Variants in EYS observed in about 807,000 individuals in gnomAD.
The protein encoded by EYS is EGF-like photoreceptor maintenance factor.
Under a neutral mutation model 282.1 loss-of-function variants are expected in EYS, and 250 were observed. That is an observed-to-expected ratio of 0.89 (90% confidence interval 0.80 to 0.98). The LOEUF is 0.98. EYS is among the 50% of genes least tolerant of loss of function. The pLI, the probability that EYS is intolerant of heterozygous loss-of-function variation, is 0.00. For missense variants in EYS, 4,016 were observed against 3,709.0 expected, an observed-to-expected ratio of 1.08 and a Z score of -2.15; for synonymous variants, 1,355 against 1,282.9, an observed-to-expected ratio of 1.06 and a Z score of -1.20.
intron 41 of EYS, among the ~76,000 whole-genome samples, chr6:63,739,362 C>A (rs1769015260): frequency 2.6e-5 from 4 of 151,978 alleles, no homozygotes; most frequent in Non-Finnish European, 5.9e-5. Flanking sequence ...CTCTGGAGCT[C>A]CCTGGAGCTC....
intron 11 of EYS, chr6:65,331,701 A>G: frequency 1.0e-6 from 1 of 981,150 alleles, no homozygotes; most frequent in Non-Finnish European, 1.2e-6. Flanking sequence ...AGTAAATAAA[A>G]AAGCTTCTGA....
chr6:64,714,361 T>G (rs1771304663), intron 22 of EYS, among the ~76,000 whole-genome samples: 6 of 152,132 alleles, frequency 3.9e-5, no homozygotes, highest in Admixed American at 2.0e-4. Flanking sequence ...AGGAAAACTT[T>G]CCTTTTTGAC....
At chr6:65,554,016 G>C (rs1768696353) in intron 2 of EYS, among the ~76,000 whole-genome samples, 1 of 152,138 alleles carries the variant, frequency 6.6e-6, no homozygotes, top group Admixed American at 6.5e-5. Context: ...ATTGGGTCAT[G>C]AGGGCTCTGC....
At chr6:65,271,128 T>TTTTATATATATATATATA (rs1189830101) in intron 12 of EYS, among the ~76,000 whole-genome samples, 3 of 55,790 alleles carry the variant, frequency 5.4e-5, no homozygotes, top group African/African-American at 1.6e-4. Context: ...AATCAATAGA[T>TTTTATATATATATATATA]TATATATATA....
At chr6:63,935,320 T>A (rs970338895) in intron 35 of EYS, among the ~76,000 whole-genome samples, 1 of 152,240 alleles carries the variant, frequency 6.6e-6, no homozygotes, top group Non-Finnish European at 1.5e-5. Flanking sequence ...TGTCCTTACT[T>A]TCTGCTTTCT....
At chr6:64,541,816 A>C (rs1019743706) in intron 26 of EYS, among the ~76,000 whole-genome samples, 10 of 152,202 alleles carry the variant, frequency 6.6e-5, no homozygotes, top group Non-Finnish European at 1.3e-4. Flanking sequence ...GTGAGAATGA[A>C]AGATGGTAAT....
At chr6:63,753,048 C>T (rs563127577) in intron 41 of EYS, among the ~76,000 whole-genome samples, 2 of 148,252 alleles carry the variant, frequency 1.3e-5, no homozygotes, top group South Asian at 4.3e-4. Flanking sequence ...TTAATTTTTC[C>T]ATTTTCTTTT....
At chr6:64,942,650 C>T (rs1266432606) in intron 15 of EYS, among the ~76,000 whole-genome samples, 1 of 151,694 alleles carries the variant, frequency 6.6e-6, no homozygotes, top group Admixed American at 6.6e-5. Context: ...AACACACCAC[C>T]TCTCAAGATT....
intron 31 of EYS, among the ~76,000 whole-genome samples, chr6:64,161,905 A>T (rs1187927819): frequency 6.6e-6 from 1 of 152,140 alleles, no homozygotes; most frequent in Non-Finnish European, 1.5e-5. Flanking sequence ...GTTTATGTGA[A>T]TATTATATTT....
At chr6:65,506,022 T>A (rs1243346000) in intron 2 of EYS, among the ~76,000 whole-genome samples, 1 of 152,168 alleles carries the variant, frequency 6.6e-6, no homozygotes, top group African/African-American at 2.4e-5. Flanking sequence ...TATTCCTGTC[T>A]GTTTTATCAC....
At chr6:65,417,355 G>GGA (rs1402292323) in intron 5 of EYS, among the ~76,000 whole-genome samples, 1 of 152,002 alleles carries the variant, frequency 6.6e-6, no homozygotes, top group Non-Finnish European at 1.5e-5. Flanking sequence ...TATTAATTCA[G>GGA]TTTTGGCCAT....
intron 30 of EYS, among the ~76,000 whole-genome samples, chr6:64,276,042 A>G (rs1353196415): frequency 1.3e-5 from 2 of 151,868 alleles, no homozygotes; most frequent in African/African-American, 4.8e-5. Context: ...TCTCTAATAC[A>G]GCATTGCCCT....
At chr6:64,246,110 A>T (rs1330174056) in intron 30 of EYS, among the ~76,000 whole-genome samples, 1 of 145,160 alleles carries the variant, frequency 6.9e-6, no homozygotes, top group Non-Finnish European at 1.5e-5. Flanking sequence ...GTTTATTGTT[A>T]TAAATAATTG....
chr6:64,341,826 T>A (rs73451158), intron 29 of EYS, among the ~76,000 whole-genome samples: 14 of 151,710 alleles, frequency 9.2e-5, no homozygotes, highest in African/African-American at 3.4e-4. Context: ...CTCCTTTCCA[T>A]AGAACTCAAT....
chr6:64,069,136 G>A (rs991854454), intron 32 of EYS, among the ~76,000 whole-genome samples: 1 of 151,998 alleles, frequency 6.6e-6, no homozygotes, highest in African/African-American at 2.4e-5. Flanking sequence ...CAGTCCTGCT[G>A]ACAGCTTGAC....
chr6:65,395,236 T>C (rs1313045442), intron 7 of EYS, among the ~76,000 whole-genome samples: 1 of 152,124 alleles, frequency 6.6e-6, no homozygotes, highest in African/African-American at 2.4e-5. Flanking sequence ...GCTAATTTTG[T>C]ATTTTTAGTA....
chr6:65,482,131 A>C (rs569679171), intron 5 of EYS, among the ~76,000 whole-genome samples: 6 of 152,294 alleles, frequency 3.9e-5, no homozygotes, highest in Non-Finnish European at 8.8e-5. Context: ...AATAATTATC[A>C]TAGTGACTAG....
In EYS at chr6:64,071,162, AAC is replaced by A. The variant is rs1438295249; in HGVS notation, c.6572-4673_6572-4672del. Among the ~76,000 whole-genome samples, 3 of 152,080 alleles carry A rather than the reference AAC, an allele frequency of 2.0e-5. No individual in the cohort carries two copies. The East Asian group carries it at 5.8e-4, about 29-fold the overall frequency. On this transcript the variant is annotated intron_variant, in intron 32 of 42. Transcript: ENST00000503581. ...GGTTCTAGACGAGTGGATTAAAAGCAACAGTCAGGGCTCAAAGAATGGTTCAG... is the reference window on the plus strand; with the variant it reads ...GGTTCTAGACGAGTGGATTAAAAGCAAGTCAGGGCTCAAAGAATGGTTCAG...
intron 40 of EYS, among the ~76,000 whole-genome samples, chr6:63,763,856 ATTGTTATATC>A (rs1387289283): frequency 7.4e-6 from 1 of 135,406 alleles, no homozygotes; most frequent in Non-Finnish European, 1.6e-5. Context: ...TTGAGATTTT[ATTGTTATATC>A]TTGTTATATA....
Sources: allele counts gnomAD v4.1 joint callset (sites outside exome capture counted in the v4.1 genomes callset), GRCh38; gene constraint gnomAD v4.1.1; transcripts MANE v1.5; gene names NCBI Gene and HGNC (gene_info 2026-07-23, HGNC 2026-07-21).